The following OPLAH variants were observed in gnomAD, a reference collection of about 807,000 sequenced individuals.
The protein encoded by OPLAH is 5-oxoprolinase.
A neutral mutation model predicts 122.8 loss-of-function variants in OPLAH; 103 were observed. The observed-to-expected ratio is 0.84, with a 90% CI of 0.71 to 0.99. The LOEUF (loss-of-function observed/expected upper bound fraction) is 0.99. OPLAH is among the 50% of genes least tolerant of loss of function. OPLAH has a pLI of 0.00. For synonymous variants in OPLAH, 875 were observed against 796.0 expected, an observed-to-expected ratio of 1.10 and a Z score of -1.67; for missense variants, 1,902 against 1,836.5, an observed-to-expected ratio of 1.04 and a Z score of -0.65.
chr8:144,052,632 G>C (rs782364646), intron 22 of OPLAH, 34 bp from the exon 23 acceptor site: 4 of 1,567,618 alleles, frequency 2.6e-6, no homozygotes, highest in East Asian at 2.3e-5. Flanking sequence ...GGAGCTCTTG[G>C]GGTGGGCTCC....
At position 144,055,857 on chromosome 8, in the gene OPLAH, C is replaced by T. The variant is rs547807731; in HGVS notation, c.2179G>A (p.Gly727Ser). Residue 727 changes from glycine (G) to serine (S), a missense_variant, in exon 16 of 27, where the codon GGC (glycine) becomes AGC (serine). Gly to Ser is a moderately conservative substitution (Grantham distance 56, BLOSUM62 0). Transcript: ENST00000618853. This position sits in a 1 kb window ranked among gnomAD's most constrained non-coding sequence, Gnocchi z 6.5. Reference protein sequence around the residue: ...ICISVGAEVPGTVGPQLDPIQ... With the variant: ...ICISVGAEVPSTVGPQLDPIQ... Reference sequence around the variant, plus strand: ...GGGTCCAGCTGGGGGCCCACTGTGCCGGGGACTTCGGCCCCCACGGAGATG... The same window carrying T: ...GGGTCCAGCTGGGGGCCCACTGTGCTGGGGACTTCGGCCCCCACGGAGATG... 8.2e-6 allele frequency: 13 copies of T among 1,577,632 alleles called. No homozygotes were observed. The highest frequency in any genetic ancestry group is 5.8e-5 in the South Asian group (5 of 86,076).
chr8:144,050,718 A>G (rs1835352555), downstream of OPLAH: 1 of 985,344 alleles, frequency 1.0e-6, no homozygotes, highest in African/African-American at 1.7e-5. Flanking sequence ...GGGGGAGGGT[A>G]TCGGAGCGGG....
Position 144,059,097 on chromosome 8 carries a change from C to G in OPLAH, c.364-18G>C, listed in dbSNP as rs1244907103. The G allele has an allele frequency of 6.4e-7, 1 of 1,553,144 alleles. No individual in the cohort carries two copies. Among genetic ancestry groups the G allele is most frequent in the Non-Finnish European group, 8.7e-7 (1 of 1,148,952 alleles). On this transcript the variant is annotated intron_variant, in intron 3 of 26. Coordinates refer to ENST00000618853, the MANE Select transcript of OPLAH (RefSeq NM_017570.5). ...GGCACGGCCTGGGGGCGGGCAGAGACTCAGAAGAGGCCCAGGCCTGAGGGT... is the reference window on the plus strand; with the variant it reads ...GGCACGGCCTGGGGGCGGGCAGAGAGTCAGAAGAGGCCCAGGCCTGAGGGT...
Position 144,051,289 on chromosome 8 carries a change from G to A in OPLAH, c.*37C>T. 1 of 1,608,496 alleles carries A rather than the reference G, an allele frequency of 6.2e-7. No individual in the cohort carries two copies. Among genetic ancestry groups the A allele is most frequent in the Non-Finnish European group, 8.5e-7 (1 of 1,178,226 alleles). On this transcript the variant is annotated 3_prime_UTR_variant, in exon 27 of 27. Transcript: ENST00000618853. ...ACTAGGCGCCGTAGCTGCGTCCCCA[G>A]AACCGGGAGACTTAAGGCATCTTTA... is the stretch of plus-strand genomic sequence containing the variant.
Position 144,051,481 on chromosome 8 carries a change from G to T in OPLAH, c.3721-9C>A. 1 of 1,445,542 alleles carries T rather than the reference G, an allele frequency of 6.9e-7. No homozygotes were observed. The highest frequency in any genetic ancestry group is 9.1e-7 in the Non-Finnish European group (1 of 1,101,974). The allele number at this position is 1,445,542 out of a possible 1,614,324, so 89.5% of individuals were successfully genotyped here. ...TGGAGACAGAACACATCCTGTTGGC[G>T]CGGGGGGGGGCGGGGAGGCGGGCTC... On this transcript the variant is annotated splice_polypyrimidine_tract_variant and intron_variant, in intron 26 of 26. Transcript: ENST00000618853.
rs1554760180 is a variant in OPLAH, at chr8:144,058,845, A to C, written c.515T>G (p.Leu172Arg). The C allele has an allele frequency of 6.3e-7, 1 of 1,576,642 alleles. No individual in the cohort carries two copies. Among genetic ancestry groups the C allele is most frequent in the South Asian group, 1.2e-5 (1 of 86,458 alleles). Residue 172 changes from leucine (L) to arginine (R), a missense_variant, in exon 5 of 27, where the codon CTG becomes CGG. Leu to Arg is a moderately radical substitution (Grantham distance 102, BLOSUM62 -2). Transcript: ENST00000618853. The stretch of plus-strand genomic sequence containing the variant: ...TAGCAGCCCCTCCAGCTTCCCACGC[A>C]GGGCCCCCAGGTCCACAGGCTGCTG... ...EVQQPVDLGA[L>R]RGKLEGLLSR...
rs782614782 is a variant in OPLAH at position 144,057,847 on chromosome 8, G to C, written c.1156+9C>G. ...GGCAAGGCCAGGCCGGCCAGATCCT[G>C]ACTCTTACCTTTGCGGTAGCAGGCG... On this transcript the variant is annotated intron_variant, in intron 9 of 26. Coordinates refer to ENST00000618853, the MANE Select transcript of OPLAH (RefSeq NM_017570.5). 2.5e-6 allele frequency: 4 copies of C among 1,610,322 alleles called. No individual in the cohort carries two copies. In the Admixed American group the frequency reaches 6.7e-5, roughly 27 times the overall value.
intron 12 of OPLAH, 36 bp from the exon 13 acceptor site, chr8:144,056,791 C>CCCTG (rs1554759306): frequency 6.3e-7 from 1 of 1,578,354 alleles, no homozygotes; most frequent in Admixed American, 1.7e-5. Flanking sequence ...ACACCAAACC[C>CCCTG]CCTGCCCTGA....
downstream of OPLAH, chr8:144,050,918 T>C (rs1056880446): frequency 4.3e-5 from 44 of 1,013,988 alleles, no homozygotes; most frequent in Non-Finnish European, 4.6e-5. Context: ...GGCCCTGGCC[T>C]TGATGACACC....
chr8:144,051,967 G>C lies in OPLAH; in HGVS notation c.3571C>G (p.Leu1191Val). 6.4e-7 allele frequency: 1 copy of C among 1,572,450 alleles called. No homozygotes were observed. Among genetic ancestry groups the C allele is most frequent in the Admixed American group, 1.8e-5 (1 of 55,270 alleles). ...TRELLFREEA[L>V]LSVLTERRAF... is the part of the protein sequence containing the mutation. ...CGGCGCTCGGTCAGCACTGACAGCAGCGCCTCCTCACGAAAGAGCAGCTCG... is the reference window on the plus strand; with the variant it reads ...CGGCGCTCGGTCAGCACTGACAGCACCGCCTCCTCACGAAAGAGCAGCTCG... The change falls in exon 25 of 27, where the codon CTG (leucine) becomes GTG (valine). Residue 1191 changes from leucine to valine, a missense_variant. Leu to Val is a conservative substitution (Grantham distance 32). Coordinates refer to ENST00000618853, the MANE Select transcript of OPLAH (RefSeq NM_017570.5).
rs1381104181 is a variant in OPLAH, at chr8:144,051,944, G to T, written c.3594C>A (p.Arg1198=). 1.3e-6 allele frequency: 2 copies of T among 1,548,228 alleles called. No individual in the cohort carries two copies. Among genetic ancestry groups the T allele is most frequent in the East Asian group, 4.8e-5 (2 of 41,808 alleles). Residue 1198 remains arginine (R), a synonymous_variant, in exon 25 of 27, where the codon CGC becomes CGA. Transcript: ENST00000618853. ...GGAGCCCGTATGGCCGGAAGGCGCG[G>T]CGCTCGGTCAGCACTGACAGCAGCG... ...EEALLSVLTE[R]RAFRPYGLHG...
rs782618050 is a variant in OPLAH at position 144,052,959 on chromosome 8, A to T, written c.3018+24T>A. ...CGGCCGCACCGTGCCCCTGCCGCCT[A>T]GAGGCACTCTCCCCACGGCCCACCT... On this transcript the variant is annotated intron_variant, in intron 21 of 26. Coordinates refer to ENST00000618853, the MANE Select transcript of OPLAH (RefSeq NM_017570.5). The T allele has an allele frequency of 2.5e-6, 4 of 1,586,640 alleles. No individual in the cohort carries two copies. In the Admixed American group the frequency reaches 7.1e-5, roughly 28 times the overall value.
Position 144,058,620 on chromosome 8 carries a change from G to A in OPLAH, c.659C>T (p.Ser220Leu), listed in dbSNP as rs781785267. ...ELGFTHVSLSSEAMPMVRIVP... is the reference protein window; with the variant it reads ...ELGFTHVSLSLEAMPMVRIVP... ...GATGCGCACCATGGGCATGGCCTCC[G>A]AGGACAGTGACACGTGCGTGAAGCC... The change falls in exon 6 of 27, where the codon TCG (serine) becomes TTG (leucine). Residue 220 changes from serine (S) to leucine (L), a missense_variant. Physicochemically the swap from Ser to Leu is moderately radical, Grantham distance 145 (BLOSUM62 -2). This residue lies in a region of OPLAH where 1,726 missense variants were observed against 1,642.1 expected (regional missense o/e 1.05). Transcript: ENST00000618853. 50 of 1,603,284 alleles carry A rather than the reference G, an allele frequency of 3.1e-5. 1 individual carries two copies. Among genetic ancestry groups the A allele is most frequent in the East Asian group, 4.5e-5 (2 of 44,860 alleles).
Position 144,059,040 on chromosome 8 carries a change from C to G in OPLAH, c.403G>C (p.Glu135Gln). 6.3e-7 allele frequency: 1 copy of G among 1,590,356 alleles called. No individual in the cohort carries two copies. Among genetic ancestry groups the G allele is most frequent in the Non-Finnish European group, 8.5e-7 (1 of 1,170,048 alleles). Residue 135 changes from glutamate (E) to glutamine (Q), a missense_variant, in exon 4 of 27, where the codon GAG (glutamate) becomes CAG (glutamine). Physicochemically the swap from Glu to Gln is conservative, Grantham distance 29. This residue lies in a region of OPLAH where 8 missense variants were observed against 23.9 expected (regional missense o/e 0.34). Transcript: ENST00000618853. Reference sequence around the variant, plus strand: ...TGCAGCACCACGCGTTCGTCCACCTCCAGCACCTCTTCATACAGCACCTCA... The same window carrying G: ...TGCAGCACCACGCGTTCGTCCACCTGCAGCACCTCTTCATACAGCACCTCA... ...MPEVLYEEVL[E>Q]VDERVVLHRG...
In OPLAH at chr8:144,056,282, C is replaced by T. The variant is rs1266434280; in HGVS notation, c.1984-23G>A. 5 of 1,603,496 alleles carry T rather than the reference C, an allele frequency of 3.1e-6. No individual in the cohort carries two copies. In the Admixed American group the frequency reaches 6.7e-5, roughly 21 times the overall value. ...CATCTGCAGAGGGTGCGGGTGAGTA[C>T]AGCGCCCGGGCCCAGCACCCTCCCC... On this transcript the variant is annotated intron_variant, in intron 14 of 26. Transcript: ENST00000618853.
At position 144,053,094 on chromosome 8, in the gene OPLAH, A is replaced by G. The variant is rs781942138; in HGVS notation, c.2907T>C (p.Arg969=). ...GGGCCTGCCGGGAGGTTCCAAAGGC[A>G]CGCAACATGTCTCGCACGGCCAGCT... ...NAELAVRDML[R]AFGTSRQARG... Residue 969 remains arginine, a synonymous_variant, in exon 21 of 27, where the codon CGT becomes CGC. Transcript: ENST00000618853. The G allele has an allele frequency of 1.9e-6, 3 of 1,606,254 alleles. No individual in the cohort carries two copies. Among genetic ancestry groups the G allele is most frequent in the Admixed American group, 1.7e-5 (1 of 58,950 alleles).
chr8:144,059,129 C>G, intron 3 of OPLAH, 50 bp from the exon 4 acceptor site: 1 of 1,461,182 alleles, frequency 6.8e-7, no homozygotes, highest in Non-Finnish European at 9.3e-7. Context: ...GGGTCCAGGC[C>G]GGGGTCCTGT....
Position 144,053,062 on chromosome 8 carries a change from A to G in OPLAH, c.2939T>C (p.Leu980Pro). The G allele has an allele frequency of 6.2e-7, 1 of 1,602,122 alleles. No individual in the cohort carries two copies. Among genetic ancestry groups the G allele is most frequent in the Non-Finnish European group, 8.5e-7 (1 of 1,175,458 alleles). The part of the protein sequence containing the change: ...AFGTSRQARG[L>P]PLEVSSEDHM... ...GTCTTCCGAGGACACCTCCAGGGGC[A>G]GGCCCCGGGCCTGCCGGGAGGTTCC... The change falls in exon 21 of 27, where the codon CTG becomes CCG. Residue 980 changes from leucine to proline, a missense_variant. Transcript: ENST00000618853.
chr8:144,051,517 TG>T, intron 26 of OPLAH, 45 bp from the exon 27 acceptor site: 2 of 1,399,716 alleles, frequency 1.4e-6, no homozygotes, highest in Non-Finnish European at 1.9e-6. Context: ...AGTGCAGGCG[TG>T]GCCCCTCCCT....
Sources: gnomAD v4.1 joint callset for allele counts on GRCh38, gnomAD v4.1.1 for gene constraint, gnomAD v4.1.1 regional missense constraint, Gnocchi (gnomAD v3.1) non-coding constraint, MANE v1.5 for transcripts, NCBI Gene and HGNC (gene_info 2026-07-23, HGNC 2026-07-21) for gene names.